The following CRTAC1 variants were observed in gnomAD, a reference collection of about 807,000 sequenced individuals.
CRTAC1 encodes cartilage acidic protein 1, also known as acidic secreted protein in cartilage.
CRTAC1 carries 37 observed loss-of-function variants against 67.8 expected under a neutral mutation model. The observed-to-expected ratio is 0.55, with a 90% confidence interval of 0.42 to 0.72. The LOEUF (loss-of-function observed/expected upper bound fraction) is 0.72. CRTAC1 is among the 30% of genes least tolerant of loss of function. CRTAC1 has a pLI of 0.00. For synonymous variants in CRTAC1, 348 were observed against 371.0 expected, an observed-to-expected ratio of 0.94 and a Z score of 0.71; for missense variants, 780 against 931.6, an observed-to-expected ratio of 0.84 and a Z score of 2.12.
intron 1 of CRTAC1, among the ~76,000 whole-genome samples, chr10:98,015,397 G>C (rs970821676): frequency 6.6e-6 from 1 of 152,172 alleles, no homozygotes; most frequent in African/African-American, 2.4e-5. Flanking sequence ...TTCCATATGG[G>C]AAGATGAAGA....
intron 11 of CRTAC1, among the ~76,000 whole-genome samples, chr10:97,884,965 A>G (rs181595456): frequency 9.7e-4 from 147 of 152,322 alleles, no homozygotes; most frequent in African/African-American, 3.4e-3. Context: ...TTGTGTTTCT[A>G]TTTATTGAGC....
At chr10:97,936,102 C>G (rs1161944570) in intron 3 of CRTAC1, 68 bp downstream of exon 3, 60 of 1,466,906 alleles carry the variant, frequency 4.1e-5, no homozygotes, top group Non-Finnish European at 5.3e-5. Flanking sequence ...GTTCCCATGG[C>G]CCTCCCCAAG....
chr10:97,889,121 C>T (rs945179067), intron 11 of CRTAC1, among the ~76,000 whole-genome samples: 15 of 2,430 alleles, frequency 6.2e-3, no homozygotes, highest in African/African-American at 0.011. Context: ...GCAGTGGAGG[C>T]GGGAGGGAAG....
intron 2 of CRTAC1, among the ~76,000 whole-genome samples, chr10:97,954,806 G>T (rs2051415758): frequency 6.6e-6 from 1 of 152,202 alleles, no homozygotes; most frequent in South Asian, 2.1e-4. Flanking sequence ...CAGAGGCTCA[G>T]AGAGAAGACG....
intron 5 of CRTAC1, among the ~76,000 whole-genome samples, chr10:97,913,120 G>GAGAC (rs1172920717): frequency 6.6e-6 from 1 of 152,004 alleles, no homozygotes; most frequent in Non-Finnish European, 1.5e-5. Context: ...GGCACAGAGA[G>GAGAC]AGAGAGAGAG....
chr10:97,894,758 ATATATATG>A (rs2050430402), intron 11 of CRTAC1, among the ~76,000 whole-genome samples: 1 of 84,592 alleles, frequency 1.2e-5, no homozygotes, highest in African/African-American at 4.5e-5. Flanking sequence ...ATATATATAT[ATATATATG>A]ATAGGATTTT....
At position 97,975,273 on chromosome 10, in the gene CRTAC1, C is replaced by A. The variant is rs1403991238; in HGVS notation, c.224+35865G>T. On this transcript the variant is annotated intron_variant, in intron 2 of 14. Transcript: ENST00000370597. This position sits in a 1 kb window ranked among gnomAD's most constrained non-coding sequence, Gnocchi z 4.8. ...GGACCCGGGGCCCGGCTGACTGATG[C>A]GGCTGTCCTCAGCCCCCTCACGGAG... 6.6e-6 allele frequency among the ~76,000 whole-genome samples: 1 copy of A among 152,122 alleles called. No homozygotes were observed. The highest frequency in any genetic ancestry group is 1.5e-5 in the Non-Finnish European group (1 of 68,018).
chr10:97,879,901 C>G (rs1172712142), intron 14 of CRTAC1: 2 of 1,130,274 alleles, frequency 1.8e-6, no homozygotes, highest in African/African-American at 3.2e-5. Context: ...GAAGAAATTA[C>G]CAGTTTAGAA....
intron 1 of CRTAC1, among the ~76,000 whole-genome samples, chr10:98,027,271 G>A (rs1403156649): frequency 6.6e-6 from 1 of 152,152 alleles, no homozygotes; most frequent in Non-Finnish European, 1.5e-5. Context: ...CGGAACAGAA[G>A]AAAGGGCAAT....
chr10:97,931,451 A>G (rs1356306889), intron 3 of CRTAC1, among the ~76,000 whole-genome samples: 2 of 152,238 alleles, frequency 1.3e-5, no homozygotes, highest in African/African-American at 2.4e-5. Context: ...TCTTTCATCA[A>G]TAGAGGACCA....
In CRTAC1 at chr10:98,027,172, A is replaced by C. The variant is rs554697542; in HGVS notation, c.24+3277T>G. On this transcript the variant is annotated intron_variant, in intron 1 of 14. Transcript: ENST00000370597. ...ACAGAGCGAGACTCCGTCTCAAAAA[A>C]AAAAAAAAGAGAACAAAGGGGGCCG... Among the ~76,000 whole-genome samples the C allele has an allele frequency of 7.2e-5, 11 of 151,938 alleles. No individual in the cohort carries two copies. In the South Asian group the frequency reaches 2.1e-3, roughly 29 times the overall value.
chr10:97,932,994 A>G (rs1342176936), intron 3 of CRTAC1, among the ~76,000 whole-genome samples: 3 of 152,254 alleles, frequency 2.0e-5, no homozygotes, highest in Non-Finnish European at 4.4e-5. Context: ...AAGGCTGGCC[A>G]AGGGAGGAGA....
rs145079584 is a variant in CRTAC1 at position 97,908,136 on chromosome 10, C to T, written c.727G>A (p.Val243Ile). Residue 243 changes from valine to isoleucine, a missense_variant, in exon 6 of 15, where the codon GTC (valine) becomes ATC (isoleucine). Coordinates refer to ENST00000370597, the MANE Select transcript of CRTAC1 (RefSeq NM_018058.7). ...GVSKYTGGRGVSVGPILSSSA... is the reference protein window; with the variant it reads ...GVSKYTGGRGISVGPILSSSA... Reference sequence around the variant, plus strand: ...CTGCTGAGGATGGGGCCCACGCTGACGCCTCGGCCCCCTAGAAAAGACATC... The same window carrying T: ...CTGCTGAGGATGGGGCCCACGCTGATGCCTCGGCCCCCTAGAAAAGACATC... 1.5e-4 allele frequency: 241 copies of T among 1,614,092 alleles called. 3 individuals carry two copies. In the South Asian group the frequency reaches 1.7e-3, roughly 12 times the overall value.
At chr10:97,890,669 T>C (rs1195469296) in intron 11 of CRTAC1, among the ~76,000 whole-genome samples, 1 of 151,544 alleles carries the variant, frequency 6.6e-6, no homozygotes, top group Non-Finnish European at 1.5e-5. Context: ...TTCTTTTCTT[T>C]CTTTTTTTTT....
At chr10:97,983,804 G>A (rs2051936368) in intron 2 of CRTAC1, among the ~76,000 whole-genome samples, 1 of 152,188 alleles carries the variant, frequency 6.6e-6, no homozygotes, top group African/African-American at 2.4e-5. Context: ...GAAGTAGGGT[G>A]TGTTCCACCC....
chr10:97,982,647 A>G (rs1454691015), intron 2 of CRTAC1, among the ~76,000 whole-genome samples: 5 of 152,208 alleles, frequency 3.3e-5, no homozygotes, highest in Admixed American at 6.5e-5. Flanking sequence ...AATTCAGATT[A>G]GGGGGTGAGC....
chr10:97,983,766 G>T (rs2051935402), intron 2 of CRTAC1, among the ~76,000 whole-genome samples: 1 of 152,216 alleles, frequency 6.6e-6, no homozygotes, highest in Non-Finnish European at 1.5e-5. Context: ...GTGTGGGTGT[G>T]GCCGGGTGAC....
chr10:97,998,403 C>A (rs566774464), intron 2 of CRTAC1, among the ~76,000 whole-genome samples: 22 of 152,016 alleles, frequency 1.4e-4, no homozygotes, highest in African/African-American at 5.1e-4. Context: ...AGTAAAACTG[C>A]CAAACTGAAC....
At chr10:97,969,731 A>T (rs938807603) in intron 2 of CRTAC1, among the ~76,000 whole-genome samples, 7 of 152,042 alleles carry the variant, frequency 4.6e-5, no homozygotes, top group African/African-American at 1.7e-4. Flanking sequence ...CCCCACCCAG[A>T]CCTACTCCCA....
Sources: gnomAD v4.1 joint callset for allele counts (sites outside exome capture counted in the v4.1 genomes callset) on GRCh38, gnomAD v4.1.1 for gene constraint, Gnocchi (gnomAD v3.1) non-coding constraint, MANE v1.5 for transcripts, NCBI Gene and HGNC (gene_info 2026-07-23, HGNC 2026-07-21) for gene names.